EIF5B: variants seen among roughly 807,000 people sequenced by gnomAD.
EIF5B encodes eIF-5B.
In EIF5B, 47 loss-of-function variants were observed where a neutral mutation model predicts 147.5. The ratio of observed to expected loss-of-function variants is 0.32; its 90% CI spans 0.25 to 0.41. EIF5B has a LOEUF of 0.41. Among genes scored for constraint, EIF5B ranks in the 10% least tolerant of loss-of-function variants. EIF5B has a pLI of 1.00. For synonymous variants in EIF5B, 455 were observed against 456.2 expected, an observed-to-expected ratio of 1.00 and a Z score of 0.03; for missense variants, 1,064 against 1,413.2, an observed-to-expected ratio of 0.75 and a Z score of 3.96.
intron 4 of EIF5B, among the ~76,000 whole-genome samples, chr2:99,363,237 A>T (rs1674257683): frequency 6.6e-6 from 1 of 152,194 alleles, no homozygotes; most frequent in Non-Finnish European, 1.5e-5. Context: ...CATCTTGTAG[A>T]AGTGAAATTA....
intron 6 of EIF5B, among the ~76,000 whole-genome samples, chr2:99,367,035 A>C (rs1479809859): frequency 1.3e-5 from 2 of 152,236 alleles, no homozygotes; most frequent in East Asian, 3.8e-4. Flanking sequence ...ATAAAAATTG[A>C]CCCAAATGGG....
intron 1 of EIF5B, among the ~76,000 whole-genome samples, chr2:99,344,200 G>A (rs1263752804): frequency 2.0e-5 from 3 of 152,082 alleles, no homozygotes; most frequent in Non-Finnish European, 2.9e-5. Flanking sequence ...GATTATAGGC[G>A]TGAGCCACCG....
chr2:99,395,567 T>C (rs1432132584), intron 21 of EIF5B, among the ~76,000 whole-genome samples: 1 of 152,202 alleles, frequency 6.6e-6, no homozygotes, highest in Non-Finnish European at 1.5e-5. Flanking sequence ...ACTCCTGAGC[T>C]CAAGTGATCC....
chr2:99,346,458 T>G (rs1311946961), intron 1 of EIF5B, among the ~76,000 whole-genome samples: 1 of 152,210 alleles, frequency 6.6e-6, no homozygotes, highest in Non-Finnish European at 1.5e-5. Flanking sequence ...TGCCAGGCAC[T>G]ATACAAGTTA....
intron 10 of EIF5B, among the ~76,000 whole-genome samples, chr2:99,377,738 A>T (rs911213963): frequency 2.6e-5 from 4 of 152,198 alleles, no homozygotes; most frequent in Middle Eastern, 3.4e-3. Flanking sequence ...AGCCCCCAAT[A>T]TAGTCATATG....
intron 1 of EIF5B, among the ~76,000 whole-genome samples, chr2:99,355,758 A>G (rs940085021): frequency 6.6e-6 from 1 of 151,536 alleles, no homozygotes; most frequent in Admixed American, 6.6e-5. Flanking sequence ...GATTACAGGC[A>G]TGTGCCACCA....
At chr2:99,352,936 C>T (rs1360575684) in intron 1 of EIF5B, among the ~76,000 whole-genome samples, 2 of 151,412 alleles carry the variant, frequency 1.3e-5, no homozygotes, top group Non-Finnish European at 2.9e-5. Context: ...AATCCTCTCA[C>T]CCTAGCCATT....
chr2:99,343,554 A>T (rs2094265477), intron 1 of EIF5B, among the ~76,000 whole-genome samples: 1 of 151,988 alleles, frequency 6.6e-6, no homozygotes, highest in African/African-American at 2.4e-5. Flanking sequence ...ACAGTGGCTC[A>T]TGCCTGTAAT....
chr2:99,362,258 C>G (rs1360984148), intron 4 of EIF5B, among the ~76,000 whole-genome samples: 3 of 152,160 alleles, frequency 2.0e-5, no homozygotes, highest in African/African-American at 7.2e-5. Context: ...ACTTAAAACT[C>G]AACATGCTAA....
chr2:99,355,253 G>A (rs1315296313), intron 1 of EIF5B, among the ~76,000 whole-genome samples: 1 of 152,006 alleles, frequency 6.6e-6, no homozygotes, highest in Non-Finnish European at 1.5e-5. Context: ...TTCAAAATTG[G>A]TTTAGCTATT....
intron 1 of EIF5B, 50 bp from the exon 2 acceptor site, chr2:99,360,186 G>A: frequency 6.5e-7 from 1 of 1,546,946 alleles, no homozygotes; most frequent in Non-Finnish European, 8.7e-7. Flanking sequence ...ATAAATGAAT[G>A]ATTATTTTGC....
At chr2:99,367,431 CTT>C (rs139007055) in intron 6 of EIF5B, among the ~76,000 whole-genome samples, 1 of 143,754 alleles carries the variant, frequency 7.0e-6, no homozygotes, top group African/African-American at 2.5e-5. Flanking sequence ...AGTTGAAACT[CTT>C]TTTTTTTTTT....
rs1674268987 is a variant in EIF5B, at chr2:99,363,712, G to A, written c.987G>A (p.Glu329=). 1 of 1,604,004 alleles carries A rather than the reference G, an allele frequency of 6.2e-7. No homozygotes were observed. The highest frequency in any genetic ancestry group is 8.5e-7 in the Non-Finnish European group (1 of 1,177,444). The stretch of plus-strand genomic sequence containing the variant: ...AGAAAGGAGAAAAGGAAGAAAAAGA[G>A]AAAGAGAAGAAAAAAGGACCTAGCA... ...KKKKGEKEEK[E]KEKKKGPSKA... is the part of the protein sequence containing the mutation. The change falls in exon 5 of 24, where the codon GAG becomes GAA. Residue 329 remains glutamate (E), a synonymous_variant. Transcript: ENST00000289371.
chr2:99,398,590 G>A, intron 22 of EIF5B, 158 bp from the exon 23 acceptor site: 1 of 715,904 alleles, frequency 1.4e-6, no homozygotes, highest in South Asian at 2.1e-5. Context: ...TGCCAGCCTA[G>A]TTTACCAAAA....
At chr2:99,387,966 C>T (rs1394940743) in intron 14 of EIF5B, among the ~76,000 whole-genome samples, 1 of 152,174 alleles carries the variant, frequency 6.6e-6, no homozygotes, top group Non-Finnish European at 1.5e-5. Context: ...AGCCACCATG[C>T]CTGGCCAGGC....
In EIF5B at chr2:99,390,571, A is replaced by C; in HGVS notation, c.2614A>C (p.Thr872Pro). Residue 872 changes from threonine to proline, a missense_variant, in exon 17 of 24, where the codon ACT becomes CCT. Around this residue, in one of 4 missense-constraint regions of EIF5B, gnomAD observed 380 missense variants for 715.6 expected, o/e 0.53. Coordinates refer to ENST00000289371, the MANE Select transcript of EIF5B (RefSeq NM_015904.4). ...EVKALPGMGT[T>P]IDVILINGRL... ...TAAAGCTCTCCCGGGGATGGGCACCACTATAGATGTCATCTTGATCAATGG... is the reference window on the plus strand; with the variant it reads ...TAAAGCTCTCCCGGGGATGGGCACCCCTATAGATGTCATCTTGATCAATGG... 1 of 1,610,132 alleles carries C rather than the reference A, an allele frequency of 6.2e-7. No homozygotes were observed. Among genetic ancestry groups the C allele is most frequent in the Non-Finnish European group, 8.5e-7 (1 of 1,176,810 alleles).
chr2:99,400,937 C>A lies in EIF5B; in HGVS notation c.*1523C>A. On this transcript the variant is annotated 3_prime_UTR_variant, in exon 24 of 24. Transcript: ENST00000289371. ...GTTTTTAAGGATTCACAAAAAGGAG[C>A]CTGTACAAAATATACATACAGTTCT... The A allele has an allele frequency of 5.9e-6, 1 of 169,030 alleles. No individual in the cohort carries two copies. Among genetic ancestry groups the A allele is most frequent in the East Asian group, 1.6e-4 (1 of 6,204 alleles). The allele number at this position is 169,030 out of a possible 1,614,324, so 10.5% of individuals were successfully genotyped here.
Position 99,363,828 on chromosome 2 carries a change from G to A in EIF5B, c.1103G>A (p.Arg368Gln), listed in dbSNP as rs371784944. 9.9e-6 allele frequency: 16 copies of A among 1,610,446 alleles called. No individual in the cohort carries two copies. The highest frequency in any genetic ancestry group is 8.0e-5 in the African/African-American group (6 of 74,608). Reference protein sequence around the residue: ...QKREEEERIKRLEELEAKRKE... With the variant: ...QKREEEERIKQLEELEAKRKE... ...AGAGAAGAGGAAGAACGTATAAAAC[G>A]GCTTGAAGAATTAGAAGCCAAGCGT... The change falls in exon 5 of 24, where the codon CGG becomes CAG. Residue 368 changes from arginine (R) to glutamine (Q), a missense_variant. Physicochemically the swap from Arg to Gln is conservative, Grantham distance 43. Coordinates refer to ENST00000289371, the MANE Select transcript of EIF5B (RefSeq NM_015904.4).
intron 17 of EIF5B, among the ~76,000 whole-genome samples, chr2:99,391,741 T>C (rs1483447468): frequency 6.6e-6 from 1 of 150,972 alleles, no homozygotes; most frequent in East Asian, 1.9e-4. Context: ...TTTTTTTTTT[T>C]TTTTTTTGGT....
Sources: allele counts gnomAD v4.1 joint callset (sites outside exome capture counted in the v4.1 genomes callset), GRCh38; gene constraint gnomAD v4.1.1; regional missense constraint gnomAD v4.1.1; transcripts MANE v1.5; gene names NCBI Gene and HGNC (gene_info 2026-07-23, HGNC 2026-07-21).